Variants in RBFOX1 observed in about 807,000 individuals in gnomAD.
RBFOX1 encodes the protein RNA binding fox-1 homolog 1.
In RBFOX1, 8 loss-of-function variants were observed where a neutral mutation model predicts 57.7. That is an observed-to-expected ratio of 0.14 (90% CI 0.08 to 0.25). RBFOX1 has a LOEUF of 0.25. RBFOX1 is among the 10% of genes least tolerant of loss of function. The pLI, the probability that RBFOX1 is intolerant of heterozygous loss-of-function variation, is 1.00. For missense variants in RBFOX1, 611 were observed against 548.5 expected (o/e 1.11, Z -1.14); for synonymous variants, 326 against 222.4 (o/e 1.47, Z -4.15).
intron 3 of RBFOX1, among the ~76,000 whole-genome samples, chr16:5,686,212 G>T (rs919926425): frequency 1.3e-5 from 2 of 152,184 alleles, no homozygotes; most frequent in African/African-American, 4.8e-5. Context: ...TACACACAGA[G>T]TTTGGCAGCT....
intron 3 of RBFOX1, among the ~76,000 whole-genome samples, chr16:6,876,728 C>A (rs1030993560): frequency 2.0e-5 from 3 of 151,998 alleles, no homozygotes; most frequent in African/African-American, 7.3e-5. Context: ...AAGAGAGAAC[C>A]CATAGTCCCT....
intron 4 of RBFOX1, among the ~76,000 whole-genome samples, chr16:7,484,335 G>C (rs956963127): frequency 3.9e-5 from 6 of 152,182 alleles, no homozygotes. Context: ...TCATTTTGGG[G>C]AGATAAATCC....
intron 2 of RBFOX1, among the ~76,000 whole-genome samples, chr16:6,548,941 TGGC>T (rs1387400044): frequency 1.3e-5 from 2 of 150,720 alleles, no homozygotes; most frequent in Non-Finnish European, 3.0e-5. Flanking sequence ...CTGGGCATGG[TGGC>T]GGCGCCTGTA....
intron 3 of RBFOX1, among the ~76,000 whole-genome samples, chr16:6,847,918 A>C (rs1304281954): frequency 2.6e-5 from 4 of 151,984 alleles, no homozygotes; most frequent in African/African-American, 9.6e-5. Context: ...GCTCACTGCA[A>C]CCTCTGTATC....
chr16:6,827,023 C>A (rs183323357), intron 3 of RBFOX1, among the ~76,000 whole-genome samples: 1 of 152,084 alleles, frequency 6.6e-6, no homozygotes. Context: ...ACTTTTTAGT[C>A]TGGGGAGAAA....
At chr16:5,523,442 C>G (rs1373532555) in intron 2 of RBFOX1, among the ~76,000 whole-genome samples, 1 of 151,452 alleles carries the variant, frequency 6.6e-6, no homozygotes, top group Non-Finnish European at 1.5e-5. Context: ...TGGTGAAACC[C>G]TGTCTTTACA....
chr16:5,798,814 G>A (rs1364719232), intron 3 of RBFOX1, among the ~76,000 whole-genome samples: 1 of 152,162 alleles, frequency 6.6e-6, no homozygotes, highest in Non-Finnish European at 1.5e-5. Flanking sequence ...GTTCCTCCCA[G>A]GTGCTTGCCT....
intron 1 of RBFOX1, among the ~76,000 whole-genome samples, chr16:5,357,959 A>T (rs2065438997): frequency 6.6e-6 from 1 of 152,022 alleles, no homozygotes; most frequent in Non-Finnish European, 1.5e-5. Context: ...TTGCTGGGGG[A>T]CTTTATTAGT....
chr16:7,601,121 G>GT (rs2094994745), intron 9 of RBFOX1, among the ~76,000 whole-genome samples: 2 of 152,160 alleles, frequency 1.3e-5, no homozygotes, highest in African/African-American at 4.8e-5. Context: ...CATTTTCTTA[G>GT]AGATGTTAGG....
At chr16:7,190,354 C>G (rs533186981) in intron 4 of RBFOX1, among the ~76,000 whole-genome samples, 2 of 152,182 alleles carry the variant, frequency 1.3e-5, no homozygotes, top group African/African-American at 4.8e-5. Context: ...GACTCCGCCT[C>G]AAACATAAAT....
chr16:5,625,622 A>G (rs997664956), intron 3 of RBFOX1, among the ~76,000 whole-genome samples: 3 of 151,204 alleles, frequency 2.0e-5, no homozygotes, highest in African/African-American at 2.4e-5. Flanking sequence ...TGGTGGTGCA[A>G]TCTTGGCTTA....
chr16:5,588,100 C>G (rs1320890369), intron 2 of RBFOX1, among the ~76,000 whole-genome samples: 2 of 152,092 alleles, frequency 1.3e-5, no homozygotes, highest in African/African-American at 4.8e-5. Context: ...GAGAAAGAAG[C>G]CAGGCACAAA....
intron 1 of RBFOX1, among the ~76,000 whole-genome samples, chr16:6,281,982 C>A (rs112034092): frequency 1.4e-4 from 21 of 152,060 alleles, no homozygotes; most frequent in African/African-American, 5.1e-4. Flanking sequence ...AACGGGTGAG[C>A]GTTTGTTATT....
rs180860156 is a variant in RBFOX1 at position 6,917,077 on chromosome 16, A to G, written c.-15-134980A>G. On this transcript the variant is annotated intron_variant, in intron 3 of 15. Coordinates refer to ENST00000550418, the MANE Select transcript of RBFOX1 (RefSeq NM_018723.4). ...TGTTGGACAGGCTAGTCCTGAACTCATGATCTGAGGTTATCCACCTGCCTT... is the reference window on the plus strand; with the variant it reads ...TGTTGGACAGGCTAGTCCTGAACTCGTGATCTGAGGTTATCCACCTGCCTT... Among the ~76,000 whole-genome samples the G allele has an allele frequency of 2.9e-3, 446 of 152,306 alleles. 9 individuals are homozygous for G. The highest frequency in any genetic ancestry group is 0.027 in the Admixed American group (414 of 15,294).
At chr16:6,583,030 G>GGC (rs542100524) in intron 2 of RBFOX1, among the ~76,000 whole-genome samples, 1 of 149,576 alleles carries the variant, frequency 6.7e-6, no homozygotes, top group East Asian at 2.0e-4. Context: ...CTTGCTCGAT[G>GGC]TCTCTCTCTC....
chr16:5,255,124 C>A (rs974593358), intron 1 of RBFOX1, among the ~76,000 whole-genome samples: 7 of 152,074 alleles, frequency 4.6e-5, no homozygotes, highest in Admixed American at 4.6e-4. Context: ...TTTGACTTTC[C>A]TAGTCAATAA....
At chr16:5,790,859 ATTTT>A (rs1157751312) in intron 3 of RBFOX1, among the ~76,000 whole-genome samples, 1 of 112,960 alleles carries the variant, frequency 8.9e-6, no homozygotes, top group African/African-American at 3.4e-5. Flanking sequence ...GTGGGTCTTT[ATTTT>A]TTTTTTTTTT....
intron 3 of RBFOX1, among the ~76,000 whole-genome samples, chr16:7,039,096 C>A (rs2045388778): frequency 6.6e-6 from 1 of 152,150 alleles, no homozygotes; most frequent in South Asian, 2.1e-4. Flanking sequence ...GATAGCACCC[C>A]ATAGGTCATT....
chr16:6,736,251 G>C (rs897636506), intron 3 of RBFOX1, among the ~76,000 whole-genome samples: 4 of 152,076 alleles, frequency 2.6e-5, no homozygotes, highest in African/African-American at 9.7e-5. Flanking sequence ...CTTTAGTGGT[G>C]ATTTGTGAGA....
Sources: allele counts gnomAD v4.1 joint callset (sites outside exome capture counted in the v4.1 genomes callset), GRCh38; gene constraint gnomAD v4.1.1; transcripts MANE v1.5; gene names NCBI Gene and HGNC (gene_info 2026-07-23, HGNC 2026-07-21).